The following ZNF141 variants were observed in gnomAD, a reference collection of about 807,000 sequenced individuals.
ZNF141 encodes zinc finger protein 141 (clone pHZ-44).
A neutral mutation model predicts 11.3 loss-of-function variants in ZNF141; 7 were observed. That is an observed-to-expected ratio of 0.62 (90% CI 0.35 to 1.16). The LOEUF (loss-of-function observed/expected upper bound fraction) is 1.16, where lower values mean the gene tolerates loss of function less well. Among genes scored for constraint, ZNF141 ranks in the 50% most tolerant of loss-of-function variants. The probability of loss-of-function intolerance (pLI) is 0.02; values close to 1 mark genes in which losing one functional copy is unlikely to be tolerated. For missense variants in ZNF141, 535 were observed against 554.0 expected (o/e 0.97, Z 0.34); for synonymous variants, 183 against 190.7 (o/e 0.96, Z 0.33).
rs183181693 is a variant in ZNF141 at position 380,904 on chromosome 4, C to A, written c.*7042C>A. 6.6e-6 allele frequency among the ~76,000 whole-genome samples: 1 copy of A among 152,136 alleles called. No individual in the cohort carries two copies. Among genetic ancestry groups the A allele is most frequent in the South Asian group, 2.1e-4 (1 of 4,818 alleles). ...TGTTGTCATATATGTGTGTGCAAAA[C>A]GTATAAAATATACAGAAAAGAGAAA... On this transcript the variant is annotated 3_prime_UTR_variant, in exon 4 of 4. Coordinates refer to ENST00000240499, the MANE Select transcript of ZNF141 (RefSeq NM_003441.4).
In ZNF141 at chr4:383,099, C is replaced by G. The variant is rs6854214; in HGVS notation, c.*9237C>G. On this transcript the variant is annotated 3_prime_UTR_variant, in exon 4 of 4. Transcript: ENST00000240499. Reference sequence around the variant, plus strand: ...TGCTTCTGTTATCTTTTTCAGAATTCTTCCATCTCTATGACAACAAGCCCA... The same window carrying G: ...TGCTTCTGTTATCTTTTTCAGAATTGTTCCATCTCTATGACAACAAGCCCA... The G allele has an allele frequency of 1.4e-6, 1 of 694,922 alleles. No homozygotes were observed. 43.0% of individuals were successfully genotyped at this position (694,922 alleles called of 1,614,324 possible). A position where few individuals can be genotyped will look rare whatever the true frequency, so the allele number is the denominator to read the frequency against.
chr4:379,192 A>AATTTTG lies in ZNF141; in HGVS notation c.*5331_*5336dup, dbSNP rs1189648759. ...CATTTACTGTGTTCACGAAGTGGCCAATTTTGGGACCTTTAGCATCACTTG... is the reference window on the plus strand; with the variant it reads ...CATTTACTGTGTTCACGAAGTGGCCAATTTTGATTTTGGGACCTTTAGCATCACTTG... On this transcript the variant is annotated 3_prime_UTR_variant, in exon 4 of 4. Coordinates refer to ENST00000240499, the MANE Select transcript of ZNF141 (RefSeq NM_003441.4). 6.6e-6 allele frequency among the ~76,000 whole-genome samples: 1 copy of AATTTTG among 151,818 alleles called. No homozygotes were observed. Among genetic ancestry groups the AATTTTG allele is most frequent in the African/African-American group, 2.4e-5 (1 of 41,320 alleles).
intron 3 of ZNF141, among the ~76,000 whole-genome samples, chr4:367,421 C>T (rs973079597): frequency 2.0e-5 from 3 of 151,994 alleles, no homozygotes; most frequent in African/African-American, 7.3e-5. Context: ...GGGAGAAACA[C>T]TTTTGCGACT....
Position 373,485 on chromosome 4 carries a change from C to T in ZNF141, c.1048C>T (p.Gln350Ter). 2 of 1,613,740 alleles carry T rather than the reference C, an allele frequency of 1.2e-6. No homozygotes were observed. Among genetic ancestry groups the T allele is most frequent in the Non-Finnish European group, 1.7e-6 (2 of 1,179,924 alleles). ...TGAAGAATGTGGCAAAGCTTTTAGA[C>T]AGTCCTCAAAACTGAATGAACATAA... is the stretch of plus-strand genomic sequence containing the variant. ...TCEECGKAFR[Q>*]SSKLNEHKKV... Residue 350 changes from glutamine to a stop codon, truncating the protein, a stop_gained, in exon 4 of 4, where the codon CAG becomes TAG. Coordinates refer to ENST00000240499, the MANE Select transcript of ZNF141 (RefSeq NM_003441.4). LOFTEE classifies it low-confidence loss of function (END_TRUNC).
chr4:344,561 C>T (rs1243650405), intron 3 of ZNF141, 131 bp downstream of exon 3: 19 of 600,088 alleles, frequency 3.2e-5, no homozygotes, highest in Admixed American at 6.5e-5. Flanking sequence ...TTTGGGAGGC[C>T]GAGGCAGGCG....
chr4:374,091 G>A lies in ZNF141; in HGVS notation c.*229G>A, dbSNP rs541171872. The A allele has an allele frequency of 2.2e-5, 12 of 551,756 alleles. 1 individual carries two copies. Among genetic ancestry groups the A allele is most frequent in the South Asian group, 9.9e-5 (4 of 40,402 alleles). The allele number at this position is 551,756 out of a possible 1,614,324, so 34.2% of individuals were successfully genotyped here. A position where few individuals can be genotyped will look rare whatever the true frequency, so the allele number is the denominator to read the frequency against. ...CTGTGAATGGTCCACAAACCTGAAT[G>A]AGCAGAAGAAAATTATTACTGGAGA... is the stretch of plus-strand genomic sequence containing the variant. On this transcript the variant is annotated 3_prime_UTR_variant, in exon 4 of 4. Transcript: ENST00000240499.
At position 379,542 on chromosome 4, in the gene ZNF141, T is replaced by G. The variant is rs11736054; in HGVS notation, c.*5680T>G. On this transcript the variant is annotated 3_prime_UTR_variant, in exon 4 of 4. Transcript: ENST00000240499. Reference sequence around the variant, plus strand: ...GGTGTGCACCACCATGCCTGGCTAATTTTTATATTGTTAGTAGAGATGCGG... The same window carrying G: ...GGTGTGCACCACCATGCCTGGCTAAGTTTTATATTGTTAGTAGAGATGCGG... Among the ~76,000 whole-genome samples the G allele has an allele frequency of 0.18, 26,938 of 152,090 alleles. 2,981 individuals carry two copies. Among genetic ancestry groups the G allele is most frequent in the Non-Finnish European group, 0.23 (15,757 of 67,994 alleles).
chr4:344,300 A>T (rs782711408), intron 2 of ZNF141, 35 bp from the exon 3 acceptor site: 11 of 1,560,772 alleles, frequency 7.0e-6, no homozygotes, highest in African/African-American at 2.7e-5. Context: ...ATCCCCATCA[A>T]TAGTCATGTT....
chr4:358,835 A>G (rs1721978537), intron 3 of ZNF141, among the ~76,000 whole-genome samples: 1 of 152,084 alleles, frequency 6.6e-6, no homozygotes, highest in Non-Finnish European at 1.5e-5. Flanking sequence ...CGGCCTCCCA[A>G]AGTGCTGGGA....
intron 3 of ZNF141, among the ~76,000 whole-genome samples, chr4:348,568 A>G (rs1314037686): frequency 6.6e-6 from 1 of 152,048 alleles, no homozygotes; most frequent in Non-Finnish European, 1.5e-5. Context: ...TACAAAAACT[A>G]GCTAGGGGTG....
chr4:342,903 C>G (rs1398430695), intron 1 of ZNF141: 1 of 1,597,028 alleles, frequency 6.3e-7, no homozygotes, highest in Admixed American at 1.7e-5. Flanking sequence ...AGTCCAAAAG[C>G]TTCAGCATTT....
Position 381,456 on chromosome 4 carries a change from T to G in ZNF141, c.*7594T>G, listed in dbSNP as rs532477435. The stretch of plus-strand genomic sequence containing the variant: ...CGTTGTCTTGCTCTGTCGCCCAGGC[T>G]GGAGTGCAGTGGTGCAATCTCGGCT... On this transcript the variant is annotated 3_prime_UTR_variant, in exon 4 of 4. Coordinates refer to ENST00000240499, the MANE Select transcript of ZNF141 (RefSeq NM_003441.4). Among the ~76,000 whole-genome samples, 227 of 137,600 alleles carry G rather than the reference T, an allele frequency of 1.6e-3. No homozygotes were observed. The highest frequency in any genetic ancestry group is 2.8e-3 in the Non-Finnish European group (188 of 66,312). The allele number at this position is 137,600 out of a possible 152,430, so 90.3% of individuals were successfully genotyped here. A position where few individuals can be genotyped will look rare whatever the true frequency, so the allele number is the denominator to read the frequency against.
chr4:365,701 T>C (rs1221728192), intron 3 of ZNF141, among the ~76,000 whole-genome samples: 1 of 152,248 alleles, frequency 6.6e-6, no homozygotes, highest in East Asian at 1.9e-4. Context: ...AGGTCTTACT[T>C]AAAAATTCTT....
Position 378,949 on chromosome 4 carries a change from A to G in ZNF141, c.*5087A>G, listed in dbSNP as rs1288199689. On this transcript the variant is annotated 3_prime_UTR_variant, in exon 4 of 4. Transcript: ENST00000240499. ...AACCTCCACCTCTCGGGTTCAAGCA[A>G]TTCTCCTGCCTCAGCCTCCCAAGTA... Among the ~76,000 whole-genome samples, 1 of 148,482 alleles carries G rather than the reference A, an allele frequency of 6.7e-6. No individual in the cohort carries two copies. The highest frequency in any genetic ancestry group is 2.5e-5 in the African/African-American group (1 of 39,838).
chr4:355,610 C>A (rs781832321), intron 3 of ZNF141, among the ~76,000 whole-genome samples: 1 of 152,084 alleles, frequency 6.6e-6, no homozygotes, highest in Non-Finnish European at 1.5e-5. Context: ...ATTTTTGAAT[C>A]GTTAACCTAT....
chr4:379,566 G>GGTTT lies in ZNF141; in HGVS notation c.*5706_*5709dup, dbSNP rs1437602062. On this transcript the variant is annotated 3_prime_UTR_variant, in exon 4 of 4. Coordinates refer to ENST00000240499, the MANE Select transcript of ZNF141 (RefSeq NM_003441.4). Reference sequence around the variant, plus strand: ...ATTTTTATATTGTTAGTAGAGATGCGGTTTGACTATGTTGGCCAGGCTGGT... The same window carrying GGTTT: ...ATTTTTATATTGTTAGTAGAGATGCGGTTTGTTTGACTATGTTGGCCAGGCTGGT... Among the ~76,000 whole-genome samples, 2 of 151,962 alleles carry GGTTT rather than the reference G, an allele frequency of 1.3e-5. No individual in the cohort carries two copies. Among genetic ancestry groups the GGTTT allele is most frequent in the Non-Finnish European group, 2.9e-5 (2 of 68,004 alleles).
chr4:362,260 T>C (rs373095562), intron 3 of ZNF141, among the ~76,000 whole-genome samples: 40 of 152,346 alleles, frequency 2.6e-4, no homozygotes, highest in African/African-American at 8.7e-4. Context: ...TTGAATTCTT[T>C]GTAGATTCTG....
intron 1 of ZNF141, among the ~76,000 whole-genome samples, chr4:339,007 A>T (rs1720926184): frequency 6.6e-6 from 1 of 152,166 alleles, no homozygotes; most frequent in African/African-American, 2.4e-5. Context: ...GAGAACTTGG[A>T]GGAAAGGAGT....
In ZNF141 at chr4:379,797, T is replaced by C. The variant is rs1712534435; in HGVS notation, c.*5935T>C. The stretch of plus-strand genomic sequence containing the variant: ...GTAATTTTTAAAATATATTTGTTAA[T>C]TGACAGATAAAATATCCTGTAGAAT... On this transcript the variant is annotated 3_prime_UTR_variant, in exon 4 of 4. Coordinates refer to ENST00000240499, the MANE Select transcript of ZNF141 (RefSeq NM_003441.4). Among the ~76,000 whole-genome samples the C allele has an allele frequency of 6.6e-6, 1 of 152,270 alleles. No homozygotes were observed.
Sources: allele counts gnomAD v4.1 joint callset (sites outside exome capture counted in the v4.1 genomes callset), GRCh38; gene constraint gnomAD v4.1.1; transcripts MANE v1.5; gene names NCBI Gene and HGNC (gene_info 2026-07-23, HGNC 2026-07-21).